Variants in LRCH2 observed in about 807,000 individuals in gnomAD.
The protein encoded by LRCH2 is leucine rich repeats and calponin homology domain containing 2, also known as leucine-rich repeat and calponin homology domain-containing protein 2.
Under a neutral mutation model 68.9 loss-of-function variants are expected in LRCH2, and 38 were observed. The observed-to-expected ratio is 0.55, with a 90% CI of 0.43 to 0.72. The LOEUF is 0.72. LRCH2 is among the 30% of genes least tolerant of loss of function. The probability of loss-of-function intolerance (pLI) is 0.00; values close to 1 mark genes in which losing one functional copy is unlikely to be tolerated. For missense variants in LRCH2, 528 were observed against 572.9 expected, an observed-to-expected ratio of 0.92 and a Z score of 0.80; for synonymous variants, 191 against 208.1, an observed-to-expected ratio of 0.92 and a Z score of 0.71.
intron 1 of LRCH2, among the ~76,000 whole-genome samples, chrX:115,217,071 G>A (rs1556571794): frequency 9.0e-6 from 1 of 111,556 alleles, no homozygotes; most frequent in Non-Finnish European, 1.9e-5. Context: ...AGAACCCTGA[G>A]ACTCAGAAAT....
In LRCH2 at chrX:115,110,744, A is replaced by T. The variant is rs1214961859; in HGVS notation, c.*2472T>A. ...CAATACAAACATTTCTGATTTATTC[A>T]AAAAATTCAGTTAAAAAAGTCATTA... On this transcript the variant is annotated 3_prime_UTR_variant, in exon 21 of 21. Transcript: ENST00000317135. 1.8e-5 allele frequency: 2 copies of T among 112,371 alleles called. No homozygotes were observed. The highest frequency in any genetic ancestry group is 6.5e-5 in the African/African-American group (2 of 30,910). 9.3% of individuals were successfully genotyped at this position (112,371 alleles called of 1,213,427 possible).
intron 1 of LRCH2, among the ~76,000 whole-genome samples, chrX:115,220,919 G>A (rs1472586554): frequency 9.2e-6 from 1 of 108,965 alleles, no homozygotes; most frequent in Non-Finnish European, 1.9e-5. Flanking sequence ...CAGGCGCAGT[G>A]GCTCACGCCT....
At chrX:115,174,918 G>A (rs1341125077) in intron 5 of LRCH2, among the ~76,000 whole-genome samples, 1 of 110,996 alleles carries the variant, frequency 9.0e-6, no homozygotes, top group Admixed American at 9.6e-5. Flanking sequence ...CTGATTGCCA[G>A]GAAAACCAAC....
At chrX:115,123,215 A>C (rs782651316) in intron 17 of LRCH2, 23 bp from the exon 18 acceptor site, 13 of 1,144,778 alleles carry the variant, frequency 1.1e-5, no homozygotes, top group Non-Finnish European at 1.5e-5. Context: ...AAATTTCCTA[A>C]CTTGTTACAA....
chrX:115,191,557 G>GGCC, intron 1 of LRCH2: 2 of 1,135,795 alleles, frequency 1.8e-6, no homozygotes, highest in Non-Finnish European at 2.3e-6. Context: ...TGGAGGAGGC[G>GGCC]GCCGCTACGA....
chrX:115,153,150 A>C (rs1488896381), intron 12 of LRCH2, among the ~76,000 whole-genome samples: 1 of 105,916 alleles, frequency 9.4e-6, no homozygotes, highest in Non-Finnish European at 1.9e-5. Context: ...CTCTACAAAA[A>C]AAAAAAAAAA....
chrX:115,119,660 A>G (rs1486061138), intron 20 of LRCH2, among the ~76,000 whole-genome samples: 11 of 75,135 alleles, frequency 1.5e-4, no homozygotes, highest in African/African-American at 5.2e-4. Context: ...ACAGAATTGG[A>G]AAAAACTACT....
At chrX:115,201,477 G>A (rs2072929388) in intron 1 of LRCH2, among the ~76,000 whole-genome samples, 2 of 111,028 alleles carry the variant, frequency 1.8e-5, no homozygotes. Flanking sequence ...TCCCTTCATG[G>A]TAAAAAAACC....
chrX:115,197,847 T>TCTCTCTCTCTCACACA lies in LRCH2; in HGVS notation c.350-9478_350-9477insTGTGTGAGAGAGAGAG, dbSNP rs782358260. Among the ~76,000 whole-genome samples the TCTCTCTCTCTCACACA allele has an allele frequency of 9.4e-3, 194 of 20,560 alleles. 10 individuals are homozygous for TCTCTCTCTCTCACACA. The highest frequency in any genetic ancestry group is 0.049 in the Admixed American group (43 of 882). The allele number at this position is 20,560 out of a possible 115,157, so 17.9% of individuals were successfully genotyped here. ...CTCTCTCTCTCTCTCTCTCTCTCTC[T>TCTCTCTCTCTCACACA]CACACACACACACACACACACACAC... is the stretch of plus-strand genomic sequence containing the variant. On this transcript the variant is annotated intron_variant, in intron 1 of 20. Transcript: ENST00000317135.
intron 1 of LRCH2, among the ~76,000 whole-genome samples, chrX:115,193,701 T>G (rs2072865305): frequency 9.0e-6 from 1 of 111,497 alleles, no homozygotes; most frequent in African/African-American, 3.3e-5. Context: ...ACTGTGGACC[T>G]TTTTGGTCTG....
intron 1 of LRCH2, among the ~76,000 whole-genome samples, chrX:115,194,602 C>T (rs1398243553): frequency 3.6e-5 from 4 of 111,429 alleles, no homozygotes; most frequent in African/African-American, 9.8e-5. Context: ...AGAGATTAGA[C>T]GATAGTAACT....
At chrX:115,194,610 A>G (rs1458651296) in intron 1 of LRCH2, among the ~76,000 whole-genome samples, 1 of 112,099 alleles carries the variant, frequency 8.9e-6, no homozygotes, top group African/African-American at 3.2e-5. Flanking sequence ...GACGATAGTA[A>G]CTTGTATTAA....
At chrX:115,224,194 T>C (rs1311140667) in intron 1 of LRCH2, among the ~76,000 whole-genome samples, 8 of 111,386 alleles carry the variant, frequency 7.2e-5, no homozygotes, top group Admixed American at 5.7e-4. Flanking sequence ...AGATGAATGG[T>C]TGCCTAGGGT....
intron 5 of LRCH2, among the ~76,000 whole-genome samples, chrX:115,172,054 A>T (rs1458190969): frequency 5.4e-5 from 6 of 111,037 alleles, no homozygotes; most frequent in African/African-American, 2.0e-4. Context: ...ATTTGCCCTC[A>T]TATTTATTAA....
intron 1 of LRCH2, among the ~76,000 whole-genome samples, chrX:115,216,094 G>A (rs782130566): frequency 3.6e-5 from 4 of 111,403 alleles, no homozygotes; most frequent in African/African-American, 1.3e-4. Context: ...TAAGATAAAG[G>A]CTAAACAAAT....
chrX:115,217,713 G>A (rs1212156941), intron 1 of LRCH2, among the ~76,000 whole-genome samples: 1 of 111,817 alleles, frequency 8.9e-6, no homozygotes, highest in Non-Finnish European at 1.9e-5. Context: ...CTTTATAGTA[G>A]AATGATTTAT....
intron 1 of LRCH2, among the ~76,000 whole-genome samples, chrX:115,232,518 G>A (rs944821662): frequency 9.0e-6 from 1 of 111,427 alleles, no homozygotes; most frequent in South Asian, 3.8e-4. Context: ...TGGGTGGAAA[G>A]CTTCAATTTT....
At chrX:115,231,283 A>G (rs1175962739) in intron 1 of LRCH2, among the ~76,000 whole-genome samples, 1 of 111,639 alleles carries the variant, frequency 9.0e-6, no homozygotes, top group Admixed American at 9.5e-5. Context: ...CATCAAATAG[A>G]GAATATACTG....
At chrX:115,214,231 G>T (rs2147356078) in intron 1 of LRCH2, among the ~76,000 whole-genome samples, 1 of 112,011 alleles carries the variant, frequency 8.9e-6, no homozygotes, top group South Asian at 3.7e-4. Flanking sequence ...CTATCTAAAA[G>T]AACTGTTAAG....
Sources: allele counts gnomAD v4.1 joint callset (sites outside exome capture counted in the v4.1 genomes callset), GRCh38; gene constraint gnomAD v4.1.1; transcripts MANE v1.5; gene names NCBI Gene and HGNC (gene_info 2026-07-23, HGNC 2026-07-21).